The following GABRB1 variants were observed in gnomAD, a reference collection of about 807,000 sequenced individuals.
GABRB1 encodes the protein gamma-aminobutyric acid receptor subunit beta-1.
In GABRB1, 17 loss-of-function variants were observed where a neutral mutation model predicts 51.6. The ratio of observed to expected loss-of-function variants is 0.33; its 90% confidence interval spans 0.23 to 0.49. The LOEUF (loss-of-function observed/expected upper bound fraction) is 0.49, where lower values mean the gene tolerates loss of function less well. Among genes scored for constraint, GABRB1 ranks in the 20% least tolerant of loss-of-function variants. GABRB1 has a pLI of 0.99. For missense variants in GABRB1, 410 were observed against 600.6 expected (o/e 0.68, Z 3.32); for synonymous variants, 247 against 218.9 (o/e 1.13, Z -1.14).
At chr4:47,121,350 G>A (rs1002656285) in intron 3 of GABRB1, among the ~76,000 whole-genome samples, 5 of 152,180 alleles carry the variant, frequency 3.3e-5, no homozygotes, top group African/African-American at 9.7e-5. Flanking sequence ...TAGGAGATGG[G>A]TGGCATCGGA....
At chr4:47,094,593 C>A (rs140528212) in intron 3 of GABRB1, among the ~76,000 whole-genome samples, 1 of 151,948 alleles carries the variant, frequency 6.6e-6, no homozygotes, top group African/African-American at 2.4e-5. Flanking sequence ...GAACAACATG[C>A]ACTGGGGCCT....
chr4:47,155,684 G>C (rs994447), intron 3 of GABRB1, among the ~76,000 whole-genome samples: 130,408 of 151,568 alleles, frequency 0.86, 56,125 homozygotes, highest in African/African-American at 0.9. Flanking sequence ...TTTGCCTACA[G>C]TGCATAGCTG....
At chr4:47,214,675 A>G (rs1431222806) in intron 4 of GABRB1, among the ~76,000 whole-genome samples, 5 of 152,196 alleles carry the variant, frequency 3.3e-5, no homozygotes, top group Non-Finnish European at 4.4e-5. Flanking sequence ...TCTTTTTATT[A>G]TCAATCGAAA....
At chr4:47,142,190 T>C (rs1452119532) in intron 3 of GABRB1, among the ~76,000 whole-genome samples, 1 of 151,836 alleles carries the variant, frequency 6.6e-6, no homozygotes, top group Admixed American at 6.6e-5. Flanking sequence ...TGAAAGGACA[T>C]CCAAATTCAT....
chr4:47,066,726 G>T (rs1727104863), intron 3 of GABRB1, among the ~76,000 whole-genome samples: 1 of 152,100 alleles, frequency 6.6e-6, no homozygotes, highest in Non-Finnish European at 1.5e-5. Flanking sequence ...CTATACATCT[G>T]TAGTCAATTC....
chr4:47,402,147 A>C (rs1001110335), intron 5 of GABRB1, among the ~76,000 whole-genome samples: 1 of 152,200 alleles, frequency 6.6e-6, no homozygotes, highest in African/African-American at 2.4e-5. Flanking sequence ...GTGGGGAAAA[A>C]TAGCTTAAAA....
intron 3 of GABRB1, among the ~76,000 whole-genome samples, chr4:47,081,413 C>T (rs1415908929): frequency 6.6e-6 from 1 of 152,260 alleles, no homozygotes; most frequent in South Asian, 2.1e-4. Flanking sequence ...AAACTTGACA[C>T]AAATGCAGAC....
intron 3 of GABRB1, among the ~76,000 whole-genome samples, chr4:47,138,789 T>A (rs1716788658): frequency 6.6e-6 from 1 of 152,072 alleles, no homozygotes. Flanking sequence ...GATACCTGGA[T>A]TTAGATAATC....
intron 5 of GABRB1, among the ~76,000 whole-genome samples, chr4:47,328,916 A>AT (rs1446124519): frequency 7.9e-5 from 11 of 139,148 alleles, no homozygotes; most frequent in African/African-American, 2.7e-4. Context: ...TTAAAGTATA[A>AT]TAAAAAAAAA....
At chr4:47,312,860 TTG>T (rs139475229) in intron 4 of GABRB1, among the ~76,000 whole-genome samples, 14 of 151,888 alleles carry the variant, frequency 9.2e-5, no homozygotes, top group Admixed American at 2.0e-4. Context: ...ACGTGTGTAT[TTG>T]TGTGTGTGTG....
intron 4 of GABRB1, among the ~76,000 whole-genome samples, chr4:47,245,354 A>G (rs1001915295): frequency 2.0e-5 from 3 of 152,190 alleles, no homozygotes; most frequent in African/African-American, 7.2e-5. Context: ...TGCTTTGTAA[A>G]TTCTAAGTTC....
At chr4:47,132,959 C>T (rs2109676650) in intron 3 of GABRB1, among the ~76,000 whole-genome samples, 1 of 152,288 alleles carries the variant, frequency 6.6e-6, no homozygotes, top group East Asian at 1.9e-4. Context: ...GCTACTCTAC[C>T]AAAGAGGTAT....
At chr4:47,279,643 C>A (rs1409265077) in intron 4 of GABRB1, among the ~76,000 whole-genome samples, 1 of 151,940 alleles carries the variant, frequency 6.6e-6, no homozygotes, top group Non-Finnish European at 1.5e-5. Flanking sequence ...GAAGTAACCC[C>A]TGATTATATA....
intron 1 of GABRB1, among the ~76,000 whole-genome samples, chr4:47,017,912 G>A (rs1233238733): frequency 6.6e-6 from 1 of 152,112 alleles, no homozygotes; most frequent in Admixed American, 6.5e-5. Context: ...CAGATTTTCA[G>A]ATTTGAATTA....
intron 1 of GABRB1, among the ~76,000 whole-genome samples, chr4:46,996,183 G>A (rs541438689): frequency 2.2e-4 from 33 of 151,834 alleles, no homozygotes; most frequent in Admixed American, 7.2e-4. Context: ...GATAGCCCAG[G>A]ATTGTCAGTG....
At chr4:47,184,324 G>A (rs1717404055) in intron 4 of GABRB1, among the ~76,000 whole-genome samples, 1 of 151,882 alleles carries the variant, frequency 6.6e-6, no homozygotes, top group African/African-American at 2.4e-5. Flanking sequence ...GATTACCGAG[G>A]ACAAAGGCTC....
intron 5 of GABRB1, among the ~76,000 whole-genome samples, chr4:47,328,468 G>C (rs1431004906): frequency 6.6e-6 from 1 of 152,084 alleles, no homozygotes; most frequent in African/African-American, 2.4e-5. Flanking sequence ...ACATGCACAC[G>C]CATGTTTATT....
intron 4 of GABRB1, among the ~76,000 whole-genome samples, chr4:47,225,856 G>A (rs535873115): frequency 1.2e-4 from 18 of 152,166 alleles, no homozygotes; most frequent in African/African-American, 1.9e-4. Context: ...AAATGCATGC[G>A]TAGTGGATGA....
chr4:47,353,006 G>A (rs1726414462), intron 5 of GABRB1, among the ~76,000 whole-genome samples: 1 of 152,198 alleles, frequency 6.6e-6, no homozygotes, highest in Non-Finnish European at 1.5e-5. Flanking sequence ...TGGTTGGGGA[G>A]ACCTCAGAAT....
Sources: gnomAD v4.1 joint callset for allele counts (sites outside exome capture counted in the v4.1 genomes callset) on GRCh38, gnomAD v4.1.1 for gene constraint, MANE v1.5 for transcripts, NCBI Gene and HGNC (gene_info 2026-07-23, HGNC 2026-07-21) for gene names.